BEAN1: variants seen among roughly 807,000 people sequenced by gnomAD.
BEAN1 encodes the protein protein BEAN1.
In BEAN1, 17 loss-of-function variants were observed where a neutral mutation model predicts 17.7. The observed-to-expected ratio is 0.96, with a 90% CI of 0.66 to 1.44. BEAN1 has a LOEUF of 1.44. Among genes scored for constraint, BEAN1 ranks in the 40% most tolerant of loss-of-function variants. The pLI, the probability that BEAN1 is intolerant of heterozygous loss-of-function variation, is 0.00. For synonymous variants in BEAN1, 142 were observed against 151.8 expected (o/e 0.94, Z 0.47); for missense variants, 359 against 374.1 (o/e 0.96, Z 0.33).
At chr16:66,438,816 C>A (rs903594932) in intron 2 of BEAN1, among the ~76,000 whole-genome samples, 3 of 152,176 alleles carry the variant, frequency 2.0e-5, no homozygotes, top group African/African-American at 7.2e-5. Flanking sequence ...CCCCCCCAAA[C>A]CACCACCACT....
intron 2 of BEAN1, among the ~76,000 whole-genome samples, chr16:66,461,214 A>T (rs1278053328): frequency 6.6e-6 from 1 of 152,152 alleles, no homozygotes; most frequent in Non-Finnish European, 1.5e-5. Flanking sequence ...GGGGATTGTC[A>T]TCATGTTATT....
At position 66,469,803 on chromosome 16, in the gene BEAN1, G is replaced by GCCACCA. The variant is rs746819150; in HGVS notation, c.237_242dup (p.His83_His84dup). ...CAGCGGCACCGCCACCGCCACCACC[G>GCCACCA]CCACCACCACCACCATCATCACCAC... On this transcript the variant is annotated inframe_insertion, in exon 3 of 5. Coordinates refer to ENST00000536005, the MANE Select transcript of BEAN1 (RefSeq NM_001178020.3). 1.5e-5 allele frequency: 23 copies of GCCACCA among 1,513,808 alleles called. No individual in the cohort carries two copies. The highest frequency in any genetic ancestry group is 1.4e-4 in the South Asian group (12 of 83,574). The allele number at this position is 1,513,808 out of a possible 1,614,324, so 93.8% of individuals were successfully genotyped here. A position where few individuals can be genotyped will look rare whatever the true frequency, so the allele number is the denominator to read the frequency against.
intron 2 of BEAN1, among the ~76,000 whole-genome samples, chr16:66,441,360 A>G (rs1215725792): frequency 6.6e-6 from 1 of 152,162 alleles, no homozygotes; most frequent in Non-Finnish European, 1.5e-5. Context: ...AAACCCGGAA[A>G]TCCCAGGAGG....
At chr16:66,438,695 G>A (rs1380594163) in intron 2 of BEAN1, among the ~76,000 whole-genome samples, 2 of 151,992 alleles carry the variant, frequency 1.3e-5, no homozygotes, top group Non-Finnish European at 2.9e-5. Context: ...CAGCCCCCTC[G>A]ACTTCTCCCC....
At chr16:66,429,520 C>T (rs1193301250) in intron 1 of BEAN1, among the ~76,000 whole-genome samples, 1 of 152,152 alleles carries the variant, frequency 6.6e-6, no homozygotes, top group Non-Finnish European at 1.5e-5. Context: ...CCATGTTGGT[C>T]CCTGGCCACC....
chr16:66,459,035 G>A (rs1398256394), intron 2 of BEAN1, among the ~76,000 whole-genome samples: 1 of 152,228 alleles, frequency 6.6e-6, no homozygotes, highest in Admixed American at 6.5e-5. Context: ...TAATTGGAGA[G>A]GCTAAGGAAC....
chr16:66,481,131 C>T lies in BEAN1; in HGVS notation c.*206C>T, dbSNP rs544270397. The T allele has an allele frequency of 9.7e-5, 44 of 453,776 alleles. No individual in the cohort carries two copies. The highest frequency in any genetic ancestry group is 1.1e-3 in the Middle Eastern group (2 of 1,792). The allele number at this position is 453,776 out of a possible 1,614,324, so 28.1% of individuals were successfully genotyped here. On this transcript the variant is annotated 3_prime_UTR_variant, in exon 5 of 5. Coordinates refer to ENST00000536005, the MANE Select transcript of BEAN1 (RefSeq NM_001178020.3). This position sits in a 1 kb window ranked among gnomAD's most constrained non-coding sequence, Gnocchi z 4.1. ...TGCTCCACATATGTGTGAATATGCG[C>T]ACATACAGGCCTACCACAAACACAA... is the stretch of plus-strand genomic sequence containing the variant.
At chr16:66,438,108 G>A in intron 2 of BEAN1, 2 of 253,332 alleles carry the variant, frequency 7.9e-6, no homozygotes, top group Non-Finnish European at 1.6e-5. Flanking sequence ...TGTGTGGCCG[G>A]CGTGGTGGCT....
intron 3 of BEAN1, among the ~76,000 whole-genome samples, chr16:66,476,815 G>A (rs1963766724): frequency 6.6e-6 from 1 of 152,218 alleles, no homozygotes; most frequent in Non-Finnish European, 1.5e-5. Context: ...TGCTGGACAG[G>A]CACAGTTAAA....
intron 2 of BEAN1, chr16:66,451,204 TGTCTCGGGATCTATTA>T (rs1295922354): frequency 6.5e-5 from 10 of 153,250 alleles, no homozygotes; most frequent in Non-Finnish European, 1.3e-4. Context: ...GGAACTCTTT[TGTCTCGGGATCTATTA>T]ACCACTCCCA....
rs548567198 is a variant in BEAN1 at position 66,467,385 on chromosome 16, G to A, written c.26-2217G>A. ...GCCTCAAGAAACAGACAATCATGGC[G>A]GAAGGCACCTCTTCACGGGGCAGTA... On this transcript the variant is annotated intron_variant, in intron 2 of 4. Coordinates refer to ENST00000536005, the MANE Select transcript of BEAN1 (RefSeq NM_001178020.3). 3.2e-4 allele frequency among the ~76,000 whole-genome samples: 49 copies of A among 152,274 alleles called. No individual in the cohort carries two copies. The South Asian group carries it at 9.3e-3, about 29-fold the overall frequency.
At chr16:66,484,975 G>A (rs1161317085), downstream of BEAN1, 26 of 453,986 alleles carry the variant, frequency 5.7e-5, no homozygotes, top group South Asian at 3.1e-4. The surrounding 1 kb of genome is among the most constrained non-coding windows in gnomAD (Gnocchi z 4.2). Context: ...TGACGCCATC[G>A]TGATAGTCCA....
intron 2 of BEAN1, among the ~76,000 whole-genome samples, chr16:66,444,679 C>G (rs777483609): frequency 1.3e-5 from 2 of 152,140 alleles, no homozygotes; most frequent in Non-Finnish European, 2.9e-5. Flanking sequence ...GAATCTTGCT[C>G]ACATCATTTG....
At chr16:66,438,664 T>A (rs1000308027) in intron 2 of BEAN1, among the ~76,000 whole-genome samples, 1 of 151,982 alleles carries the variant, frequency 6.6e-6, no homozygotes, top group Non-Finnish European at 1.5e-5. Context: ...CAGCCAGGGG[T>A]ACCCCTGATG....
Position 66,481,665 on chromosome 16 carries a change from G to C in BEAN1, c.*740G>C, listed in dbSNP as rs543846978. The C allele has an allele frequency of 6.1e-6, 1 of 164,038 alleles. No homozygotes were observed. The highest frequency in any genetic ancestry group is 2.0e-4 in the South Asian group (1 of 4,934). The allele number at this position is 164,038 out of a possible 1,614,324, so 10.2% of individuals were successfully genotyped here. The stretch of plus-strand genomic sequence containing the variant: ...TCTCTGACGCTGCAGGCCCCAGGTA[G>C]ATGGGCAGGGCCCTCCGTGGGTGTG... On this transcript the variant is annotated 3_prime_UTR_variant, in exon 5 of 5. Transcript: ENST00000536005. The surrounding 1 kb of genome is among the most constrained non-coding windows in gnomAD (Gnocchi z 4.1).
intron 2 of BEAN1, among the ~76,000 whole-genome samples, chr16:66,467,988 T>C (rs1963318216): frequency 6.6e-6 from 1 of 152,186 alleles, no homozygotes; most frequent in East Asian, 1.9e-4. Context: ...GGGTCAGTGC[T>C]AGAAAGGTAT....
chr16:66,436,889 C>CT (rs1314742332), intron 1 of BEAN1, among the ~76,000 whole-genome samples: 1 of 151,994 alleles, frequency 6.6e-6, no homozygotes, highest in East Asian at 1.9e-4. Context: ...TTCTGTAGGC[C>CT]TTTGTTTCTG....
In BEAN1 at chr16:66,437,591, G is replaced by A. The variant is rs1016357239; in HGVS notation, c.-82-4G>A. On this transcript the variant is annotated splice_region_variant and splice_polypyrimidine_tract_variant and intron_variant, in intron 1 of 4. Transcript: ENST00000536005. ...CCAACACCTGCCTGTTTGTGTCTCC[G>A]CAGGTGAGTGGAGGGGCCTTCCCTG... The A allele has an allele frequency of 7.6e-6, 11 of 1,445,880 alleles. No individual in the cohort carries two copies. Among genetic ancestry groups the A allele is most frequent in the Middle Eastern group, 2.2e-4 (1 of 4,516 alleles). The allele number at this position is 1,445,880 out of a possible 1,614,324, so 89.6% of individuals were successfully genotyped here. A position where few individuals can be genotyped will look rare whatever the true frequency, so the allele number is the denominator to read the frequency against.
At chr16:66,458,558 C>A (rs1357800476) in intron 2 of BEAN1, among the ~76,000 whole-genome samples, 1 of 152,108 alleles carries the variant, frequency 6.6e-6, no homozygotes, top group African/African-American at 2.4e-5. Context: ...GAGCCCAGTT[C>A]TCCGGCCCCC....
Sources: allele counts gnomAD v4.1 joint callset (sites outside exome capture counted in the v4.1 genomes callset), GRCh38; gene constraint gnomAD v4.1.1; non-coding constraint Gnocchi (gnomAD v3.1); transcripts MANE v1.5; gene names NCBI Gene and HGNC (gene_info 2026-07-23, HGNC 2026-07-21).